The following TF variants were observed in gnomAD, a reference collection of about 807,000 sequenced individuals.
The protein encoded by TF is serotransferrin.
Under a neutral mutation model 82.4 loss-of-function variants are expected in TF, and 55 were observed. The ratio of observed to expected loss-of-function variants is 0.67; its 90% CI spans 0.54 to 0.84. The LOEUF (loss-of-function observed/expected upper bound fraction) is 0.84. Among genes scored for constraint, TF ranks in the 40% least tolerant of loss-of-function variants. The pLI is 0.00. For missense variants in TF, 737 were observed against 868.4 expected (o/e 0.85, Z 1.90); for synonymous variants, 332 against 332.6 (o/e 1.00, Z 0.02).
chr3:133,699,414 C>T, the TF span: 175 of 1,122,326 alleles, frequency 1.6e-4, no homozygotes, highest in Middle Eastern at 2.3e-3. Context: ...GGCTCTCCTG[C>T]GTTAGGCTCA....
At chr3:133,695,453 G>C in the TF span, among the ~76,000 whole-genome samples, 5 of 152,010 alleles carry the variant, frequency 3.3e-5, no homozygotes, top group African/African-American at 1.2e-4. Flanking sequence ...TCACCATGTT[G>C]CCCAGAATGG....
At chr3:133,756,800 T>C in intron 6 of TF, 31 bp from the exon 7 acceptor site, 1 of 1,613,908 alleles carries the variant, frequency 6.2e-7, no homozygotes, top group Non-Finnish European at 8.5e-7. Flanking sequence ...GGCTCTCCTG[T>C]GTTAAGCTCA....
chr3:133,732,876 G>C, the TF span, among the ~76,000 whole-genome samples: 1 of 152,180 alleles, frequency 6.6e-6, no homozygotes, highest in Non-Finnish European at 1.5e-5. Context: ...GAGCTTGGGT[G>C]ACTTGCCTAA....
the TF span, among the ~76,000 whole-genome samples, chr3:133,685,718 G>T: frequency 6.6e-6 from 1 of 152,146 alleles, no homozygotes; most frequent in African/African-American, 2.4e-5. Context: ...ACAAATGGAA[G>T]AACATTCATT....
the TF span, among the ~76,000 whole-genome samples, chr3:133,663,887 G>A: frequency 9.9e-4 from 150 of 152,254 alleles, no homozygotes; most frequent in African/African-American, 3.5e-3. Context: ...TTACCCAGCC[G>A]GAACTTGATA....
rs1934613828 is a variant in TF, at chr3:133,784,733, T to A, written c.*6113T>A. The A allele has an allele frequency of 6.6e-6, 1 of 151,874 alleles. No individual in the cohort carries two copies. Among genetic ancestry groups the A allele is most frequent in the Non-Finnish European group, 1.5e-5 (1 of 68,028 alleles). 9.4% of individuals were successfully genotyped at this position (151,874 alleles called of 1,614,324 possible). On this transcript the variant is annotated 3_prime_UTR_variant, in exon 17 of 17. Transcript: ENST00000402696. ...CATGCCCCTACCTTCCATGGAAAAATTGCCTTCCGTGAAACCATTCCCTGG... is the reference window on the plus strand; with the variant it reads ...CATGCCCCTACCTTCCATGGAAAAAATGCCTTCCGTGAAACCATTCCCTGG...
chr3:133,695,034 G>C, the TF span, among the ~76,000 whole-genome samples: 1 of 152,058 alleles, frequency 6.6e-6, no homozygotes, highest in East Asian at 1.9e-4. Flanking sequence ...GGGCTTCGCT[G>C]TGGGGTTCAA....
At chr3:133,715,935 C>T in the TF span, among the ~76,000 whole-genome samples, 2 of 152,220 alleles carry the variant, frequency 1.3e-5, no homozygotes, top group Admixed American at 6.5e-5. Context: ...CTTACACACT[C>T]TTTAATTTCT....
rs771863958 is a variant in TF, at chr3:133,756,883, C to A, written c.744C>A (p.Asp248Glu). Residue 248 changes from aspartate to glutamate, a missense_variant, in exon 7 of 17, where the codon GAC (aspartate) becomes GAA (glutamate). Physicochemically the swap from Asp to Glu is conservative, Grantham distance 45. Coordinates refer to ENST00000402696, the MANE Select transcript of TF (RefSeq NM_001063.4). ...DRDQYELLCL[D>E]NTRKPVDEYK... ...ACCAGTATGAGCTGCTTTGCCTGGA[C>A]AACACCCGGAAGCCGGTAGATGAAT... The A allele has an allele frequency of 1.9e-6, 3 of 1,614,220 alleles. No individual in the cohort carries two copies. The highest frequency in any genetic ancestry group is 1.7e-5 in the Admixed American group (1 of 60,030).
chr3:133,774,120 A>C (rs1237160291), intron 14 of TF: 1 of 152,160 alleles, frequency 6.6e-6, no homozygotes, highest in Non-Finnish European at 1.5e-5. Context: ...CCTGCCCTGA[A>C]TTTTTTGTTT....
chr3:133,711,878 G>A, the TF span, among the ~76,000 whole-genome samples: 1 of 152,038 alleles, frequency 6.6e-6, no homozygotes, highest in Non-Finnish European at 1.5e-5. Flanking sequence ...TTTCTTGGTG[G>A]TTTAGTCCTG....
At chr3:133,748,645 C>T (rs899880560) in intron 2 of TF, 61 bp downstream of exon 2, 1 of 1,589,926 alleles carries the variant, frequency 6.3e-7, no homozygotes, top group African/African-American at 1.3e-5. Flanking sequence ...TTTCCAGTCA[C>T]TTTGGAACAA....
At position 133,748,584 on chromosome 3, in the gene TF, G is replaced by A. The variant is rs781774389; in HGVS notation, c.216G>A (p.Ala72=). 9.3e-6 allele frequency: 15 copies of A among 1,613,896 alleles called. No homozygotes were observed. The highest frequency in any genetic ancestry group is 1.7e-5 in the Admixed American group (1 of 60,002). ...ASYLDCIRAI[A]ANEADAVTLD... ...ACCTTGATTGCATCAGGGCCATTGC[G>A]GTAAGTCGCTGCTGCCTAAAAGAGA... The change falls in exon 2 of 17, where the codon GCG becomes GCA. Residue 72 remains alanine, a splice_region_variant and synonymous_variant. Coordinates refer to ENST00000402696, the MANE Select transcript of TF (RefSeq NM_001063.4).
chr3:133,739,219 A>T, the TF span, among the ~76,000 whole-genome samples: 3 of 152,220 alleles, frequency 2.0e-5, no homozygotes, highest in African/African-American at 7.2e-5. Flanking sequence ...TGGGGAAAGG[A>T]TTCCGCATTT....
the TF span, among the ~76,000 whole-genome samples, chr3:133,735,016 C>T: frequency 6.6e-6 from 1 of 152,038 alleles, no homozygotes; most frequent in Non-Finnish European, 1.5e-5. Flanking sequence ...CAACCTAACA[C>T]TTTTTTAGAC....
At chr3:133,744,689 A>G (rs1933457220), upstream of TF, among the ~76,000 whole-genome samples, 1 of 152,238 alleles carries the variant, frequency 6.6e-6, no homozygotes, top group South Asian at 2.1e-4. Flanking sequence ...GTGTTGGGAA[A>G]GCCAGACTTG....
intron 1 of TF, among the ~76,000 whole-genome samples, chr3:133,746,761 C>T (rs1375626217): frequency 1.3e-5 from 2 of 152,218 alleles, no homozygotes; most frequent in Non-Finnish European, 2.9e-5. Flanking sequence ...ACCAGGTTAT[C>T]AAAACCCTTT....
chr3:133,691,500 G>A, the TF span, among the ~76,000 whole-genome samples: 1 of 152,202 alleles, frequency 6.6e-6, no homozygotes, highest in Non-Finnish European at 1.5e-5. Flanking sequence ...ATAAGGCTCA[G>A]AAGGAAAACA....
chr3:133,777,504 G>A (rs1934425944), intron 16 of TF: 2 of 472,786 alleles, frequency 4.2e-6, no homozygotes, highest in Non-Finnish European at 3.9e-6. Flanking sequence ...AAAGGACTGG[G>A]TTTATGTGTA....
Sources: gnomAD v4.1 joint callset for allele counts (sites outside exome capture counted in the v4.1 genomes callset) on GRCh38, gnomAD v4.1.1 for gene constraint, MANE v1.5 for transcripts, NCBI Gene and HGNC (gene_info 2026-07-23, HGNC 2026-07-21) for gene names.